The following NIPBL variants were observed in gnomAD, a reference collection of about 807,000 sequenced individuals.
NIPBL encodes the protein NIPBL cohesin loading factor.
Under a neutral mutation model 321.8 loss-of-function variants are expected in NIPBL, and 19 were observed. That is an observed-to-expected ratio of 0.06 (90% CI 0.04 to 0.09). NIPBL has a LOEUF of 0.09. NIPBL is among the 10% of genes least tolerant of loss of function. NIPBL has a pLI of 1.00. For synonymous variants in NIPBL, 1,106 were observed against 1,114.1 expected (o/e 0.99, Z 0.14); for missense variants, 2,210 against 3,327.0 (o/e 0.66, Z 8.26).
intron 32 of NIPBL, among the ~76,000 whole-genome samples, chr5:37,032,005 G>A (rs1386136363): frequency 6.6e-6 from 1 of 152,180 alleles, no homozygotes; most frequent in Admixed American, 6.5e-5. Context: ...GTCCCTATCA[G>A]TGGTTCTAAA....
At chr5:36,945,825 CT>C (rs1739605685) in intron 1 of NIPBL, among the ~76,000 whole-genome samples, 2 of 152,050 alleles carry the variant, frequency 1.3e-5, no homozygotes, top group Admixed American at 1.3e-4. Context: ...AAAATCTGTT[CT>C]TGAATAGCAG....
intron 10 of NIPBL, among the ~76,000 whole-genome samples, chr5:36,991,319 ATGT>A (rs1310310318): frequency 1.3e-5 from 2 of 152,112 alleles, no homozygotes; most frequent in Non-Finnish European, 1.5e-5. Context: ...ACAAAAATGA[ATGT>A]TGTTATAGTA....
intron 29 of NIPBL, among the ~76,000 whole-genome samples, chr5:37,023,735 G>A (rs1379484735): frequency 1.4e-5 from 2 of 138,226 alleles, no homozygotes; most frequent in Non-Finnish European, 3.1e-5. Flanking sequence ...TAAAATTGAA[G>A]ACTATTTTCT....
intron 10 of NIPBL, among the ~76,000 whole-genome samples, chr5:36,988,305 G>A (rs561980026): frequency 6.6e-6 from 1 of 152,004 alleles, no homozygotes; most frequent in Admixed American, 6.6e-5. Flanking sequence ...TAAGCTATCT[G>A]GGTGTCTGCC....
At position 36,986,039 on chromosome 5, in the gene NIPBL, G is replaced by A. The variant is rs1208748144; in HGVS notation, c.2859G>A (p.Leu953=). Residue 953 remains leucine, a synonymous_variant, in exon 10 of 47, where the codon TTG becomes TTA. Transcript: ENST00000282516. ...SYLLGGRSGA[L]KNFVIPKIKR... Reference sequence around the variant, plus strand: ...TGTTGGGGGGCAGGTCTGGTGCGTTGAAAAATTTTGTCATTCCGAAAATCA... The same window carrying A: ...TGTTGGGGGGCAGGTCTGGTGCGTTAAAAAATTTTGTCATTCCGAAAATCA... The A allele has an allele frequency of 6.2e-7, 1 of 1,613,832 alleles. No individual in the cohort carries two copies. The highest frequency in any genetic ancestry group is 1.7e-5 in the Admixed American group (1 of 59,950).
chr5:36,913,288 G>A (rs1278564575), intron 1 of NIPBL, among the ~76,000 whole-genome samples: 13 of 151,968 alleles, frequency 8.6e-5, no homozygotes, highest in African/African-American at 2.9e-4. Context: ...ACACAAAAAA[G>A]TATGTGTAAA....
chr5:37,003,645 T>G (rs1487578995), intron 16 of NIPBL, among the ~76,000 whole-genome samples: 1 of 152,156 alleles, frequency 6.6e-6, no homozygotes, highest in African/African-American at 2.4e-5. Flanking sequence ...TTGGAATCTA[T>G]CATCTGTCCA....
At position 37,012,316 on chromosome 5, in the gene NIPBL, AT is replaced by A. The variant is rs752962035; in HGVS notation, c.4560+2107del. The stretch of plus-strand genomic sequence containing the variant: ...AGGCACGCGCCACCATGCCGGGCTA[AT>A]TTTTTTTTTTTTTTTATCTTGGTGA... On this transcript the variant is annotated intron_variant, in intron 21 of 46. Coordinates refer to ENST00000282516, the MANE Select transcript of NIPBL (RefSeq NM_133433.4). 9.0e-3 allele frequency among the ~76,000 whole-genome samples: 1,210 copies of A among 134,620 alleles called. 6 individuals are homozygous for A. Among genetic ancestry groups the A allele is most frequent in the African/African-American group, 0.017 (608 of 36,838 alleles). 88.3% of individuals were successfully genotyped at this position (134,620 alleles called of 152,430 possible).
At chr5:37,063,679 T>C in intron 45 of NIPBL, 111 bp from the exon 46 acceptor site, 2 of 1,024,198 alleles carry the variant, frequency 2.0e-6, no homozygotes, top group South Asian at 2.9e-5. Context: ...AGATGATGGC[T>C]AACGTCTGTT....
At chr5:36,991,403 TTATC>T (rs1199096813) in intron 10 of NIPBL, among the ~76,000 whole-genome samples, 11 of 152,102 alleles carry the variant, frequency 7.2e-5, no homozygotes, top group Non-Finnish European at 4.4e-5. Flanking sequence ...TGAATTGAAT[TTATC>T]TAATGAAGAA....
chr5:36,892,535 A>G (rs1324925217), intron 1 of NIPBL, among the ~76,000 whole-genome samples: 1 of 152,170 alleles, frequency 6.6e-6, no homozygotes, highest in Non-Finnish European at 1.5e-5. Context: ...CTTGGAACCA[A>G]CCCAAATATC....
chr5:36,978,366 A>T (rs1482466475), intron 9 of NIPBL, among the ~76,000 whole-genome samples: 2 of 151,850 alleles, frequency 1.3e-5, no homozygotes, highest in Non-Finnish European at 2.9e-5. Context: ...AGCATTTTTT[A>T]AAATGTTTGT....
chr5:36,921,593 A>C (rs542685817), intron 1 of NIPBL, among the ~76,000 whole-genome samples: 2 of 152,258 alleles, frequency 1.3e-5, no homozygotes, highest in African/African-American at 4.8e-5. Context: ...CCACTTTCCC[A>C]ATTTTGAAGC....
chr5:36,906,437 C>G (rs554407265), intron 1 of NIPBL, among the ~76,000 whole-genome samples: 7 of 152,182 alleles, frequency 4.6e-5, no homozygotes, highest in African/African-American at 1.7e-4. Context: ...ATTTATCATC[C>G]TGTTAAAATC....
In NIPBL at chr5:36,899,819, T is replaced by C. The variant is rs548413790; in HGVS notation, c.-80+22641T>C. ...GAGATTTGCCTGCTGATGGATCAGG[T>C]GTTGTTTTCAGTATACTGTTCTTGG... is the stretch of plus-strand genomic sequence containing the variant. On this transcript the variant is annotated intron_variant, in intron 1 of 46. Coordinates refer to ENST00000282516, the MANE Select transcript of NIPBL (RefSeq NM_133433.4). 2.6e-5 allele frequency among the ~76,000 whole-genome samples: 4 copies of C among 152,302 alleles called. No individual in the cohort carries two copies. In the South Asian group the frequency reaches 8.3e-4, roughly 32 times the overall value.
At chr5:36,916,898 C>G (rs566356798) in intron 1 of NIPBL, among the ~76,000 whole-genome samples, 1 of 152,096 alleles carries the variant, frequency 6.6e-6, no homozygotes, top group Non-Finnish European at 1.5e-5. Flanking sequence ...TCCAGTCTAT[C>G]ATTGTTGGAC....
At chr5:36,949,447 C>T (rs1261654178) in intron 1 of NIPBL, among the ~76,000 whole-genome samples, 1 of 151,814 alleles carries the variant, frequency 6.6e-6, no homozygotes, top group Non-Finnish European at 1.5e-5. Flanking sequence ...CTGTACATCA[C>T]ATTCTTCATC....
intron 1 of NIPBL, among the ~76,000 whole-genome samples, chr5:36,950,262 T>C (rs555530492): frequency 6.6e-6 from 1 of 152,196 alleles, no homozygotes; most frequent in African/African-American, 2.4e-5. Context: ...TGCCTTTCCC[T>C]CTATTTGTTT....
chr5:36,901,500 CTTTTTTTTTTTTT>C (rs35178851), intron 1 of NIPBL, among the ~76,000 whole-genome samples: 1 of 77,412 alleles, frequency 1.3e-5, no homozygotes, highest in South Asian at 5.8e-4. Flanking sequence ...CTTCTAAGTC[CTTTTTTTTTTTTT>C]TTTTTTTTTT....
Sources: allele counts gnomAD v4.1 joint callset (sites outside exome capture counted in the v4.1 genomes callset), GRCh38; gene constraint gnomAD v4.1.1; transcripts MANE v1.5; gene names NCBI Gene and HGNC (gene_info 2026-07-23, HGNC 2026-07-21).